The following TRPM6 variants were observed in gnomAD, a reference collection of about 807,000 sequenced individuals.
The protein encoded by TRPM6 is channel kinase 2.
TRPM6 carries 111 observed loss-of-function variants against 247.6 expected under a neutral mutation model. The ratio of observed to expected loss-of-function variants is 0.45; its 90% CI spans 0.38 to 0.52. The LOEUF (loss-of-function observed/expected upper bound fraction) is 0.52. TRPM6 is among the 20% of genes least tolerant of loss of function. TRPM6 has a pLI of 0.00. For synonymous variants in TRPM6, 892 were observed against 853.8 expected (o/e 1.04, Z -0.78); for missense variants, 2,126 against 2,421.5 (o/e 0.88, Z 2.56).
At chr9:74,806,532 T>A (rs920875341) in intron 14 of TRPM6, among the ~76,000 whole-genome samples, 1 of 152,206 alleles carries the variant, frequency 6.6e-6, no homozygotes, top group Non-Finnish European at 1.5e-5. Context: ...CCCAAATTAT[T>A]ATTACTATTG....
At chr9:74,866,443 T>C (rs1273091972) in intron 1 of TRPM6, among the ~76,000 whole-genome samples, 1 of 152,276 alleles carries the variant, frequency 6.6e-6, no homozygotes, top group South Asian at 2.1e-4. Context: ...GTCATTCCAC[T>C]ATCAGTAGGT....
chr9:74,813,698 A>C (rs1828821224), intron 11 of TRPM6, among the ~76,000 whole-genome samples: 1 of 152,232 alleles, frequency 6.6e-6, no homozygotes, highest in African/African-American at 2.4e-5. Flanking sequence ...CAAAAAGACC[A>C]AAACAAACAG....
intron 6 of TRPM6, among the ~76,000 whole-genome samples, chr9:74,831,276 G>C (rs1829537665): frequency 6.6e-6 from 1 of 152,070 alleles, no homozygotes; most frequent in Non-Finnish European, 1.5e-5. Context: ...TGGATCACAA[G>C]GTCATGAATT....
At chr9:74,778,108 G>T (rs73650071) in intron 23 of TRPM6, among the ~76,000 whole-genome samples, 2 of 152,172 alleles carry the variant, frequency 1.3e-5, no homozygotes, top group African/African-American at 4.8e-5. Context: ...AACTGAAGCC[G>T]AGTGTCGGTG....
At chr9:74,810,214 C>G (rs997062943) in intron 13 of TRPM6, among the ~76,000 whole-genome samples, 1 of 152,072 alleles carries the variant, frequency 6.6e-6, no homozygotes, top group Non-Finnish European at 1.5e-5. Context: ...AGAAAAGAAA[C>G]TGAGGTATAA....
chr9:74,874,424 T>C (rs2118480277), intron 1 of TRPM6, among the ~76,000 whole-genome samples: 1 of 152,212 alleles, frequency 6.6e-6, no homozygotes, highest in African/African-American at 2.4e-5. Context: ...AGTTCCAGCG[T>C]TGTTGTTTAG....
At chr9:74,733,280 A>C (rs1314256118) in intron 36 of TRPM6, among the ~76,000 whole-genome samples, 1 of 152,160 alleles carries the variant, frequency 6.6e-6, no homozygotes, top group Non-Finnish European at 1.5e-5. Context: ...ACTAAATATA[A>C]AAAATTAAAT....
At chr9:74,796,380 C>T (rs1357502257) in intron 18 of TRPM6, among the ~76,000 whole-genome samples, 1 of 152,200 alleles carries the variant, frequency 6.6e-6, no homozygotes, top group Non-Finnish European at 1.5e-5. Context: ...TGTAAAGTGG[C>T]CACAAATGAG....
chr9:74,739,330 C>G lies in TRPM6; in HGVS notation c.5570+37G>C, dbSNP rs761933214. ...TGAGAAGACGTGATAGAAATTCCTACTTGAAACAAAGGGCCAAGGTGCCAA... is the reference window on the plus strand; with the variant it reads ...TGAGAAGACGTGATAGAAATTCCTAGTTGAAACAAAGGGCCAAGGTGCCAA... On this transcript the variant is annotated intron_variant, in intron 35 of 38. Transcript: ENST00000360774. 2.5e-6 allele frequency: 4 copies of G among 1,574,594 alleles called. No individual in the cohort carries two copies. In the East Asian group the frequency reaches 9.0e-5, roughly 35 times the overall value.
Position 74,834,139 on chromosome 9 carries a change from T to C in TRPM6, c.545-17A>G. On this transcript the variant is annotated splice_polypyrimidine_tract_variant and intron_variant, in intron 5 of 38. Coordinates refer to ENST00000360774, the MANE Select transcript of TRPM6 (RefSeq NM_017662.5). ...TGGACACTCCTATGAACAACCAGTTTAGAAGTCAAACTTTAATTCACAAAT... is the reference window on the plus strand; with the variant it reads ...TGGACACTCCTATGAACAACCAGTTCAGAAGTCAAACTTTAATTCACAAAT... The C allele has an allele frequency of 6.2e-7, 1 of 1,613,872 alleles. No individual in the cohort carries two copies. The highest frequency in any genetic ancestry group is 8.5e-7 in the Non-Finnish European group (1 of 1,179,820).
intron 14 of TRPM6, among the ~76,000 whole-genome samples, chr9:74,805,780 G>A (rs1342082092): frequency 2.0e-5 from 3 of 151,796 alleles, no homozygotes; most frequent in East Asian, 1.9e-4. Flanking sequence ...CTTAAGTATC[G>A]AAAAGACGAC....
intron 27 of TRPM6, among the ~76,000 whole-genome samples, chr9:74,761,076 C>A (rs1217227454): frequency 6.6e-6 from 1 of 152,176 alleles, no homozygotes; most frequent in Admixed American, 6.5e-5. Flanking sequence ...ATTAATCACC[C>A]AGTCTTAGAT....
intron 28 of TRPM6, among the ~76,000 whole-genome samples, chr9:74,753,152 T>C (rs1481345613): frequency 4.2e-5 from 6 of 141,998 alleles, no homozygotes; most frequent in Admixed American, 1.4e-4. Context: ...ATCAAATAAA[T>C]AGATTTAATT....
Position 74,802,239 on chromosome 9 carries a change from C to T in TRPM6, c.1732-64G>A, listed in dbSNP as rs112175545. The T allele has an allele frequency of 5.9e-4, 860 of 1,460,376 alleles. 4 individuals are homozygous for T. In the African/African-American group the frequency reaches 0.01, roughly 17 times the overall value. The allele number at this position is 1,460,376 out of a possible 1,614,324, so 90.5% of individuals were successfully genotyped here. ...CAGATGTATGATGTTTTACCTAATT[C>T]AACACAGCAGGTGTCCTAGAGATTT... On this transcript the variant is annotated intron_variant, in intron 15 of 38. Transcript: ENST00000360774.
chr9:74,871,471 C>T (rs1034990753), intron 1 of TRPM6, among the ~76,000 whole-genome samples: 2 of 152,018 alleles, frequency 1.3e-5, no homozygotes, highest in African/African-American at 2.4e-5. Context: ...TATAGAATTG[C>T]TTCATTTTAT....
At chr9:74,839,015 C>G (rs1051986376) in intron 5 of TRPM6, among the ~76,000 whole-genome samples, 5 of 150,006 alleles carry the variant, frequency 3.3e-5, no homozygotes, top group African/African-American at 1.2e-4. Context: ...GAGGCTGAGG[C>G]AGGAGAATCG....
intron 5 of TRPM6, among the ~76,000 whole-genome samples, chr9:74,834,623 G>A (rs189285586): frequency 1.1e-5 from 1 of 93,124 alleles, no homozygotes; most frequent in Non-Finnish European, 2.0e-5. Context: ...CCCACCCCCT[G>A]ACAGGCCCTG....
chr9:74,764,945 A>G (rs1389628586), intron 25 of TRPM6, among the ~76,000 whole-genome samples: 1 of 152,220 alleles, frequency 6.6e-6, no homozygotes, highest in African/African-American at 2.4e-5. Context: ...TCATTATGTA[A>G]TCAGAGATGA....
chr9:74,808,152 C>T lies in TRPM6; in HGVS notation c.1520G>A (p.Arg507Gln), dbSNP rs368071569. 5 of 1,613,896 alleles carry T rather than the reference C, an allele frequency of 3.1e-6. No individual in the cohort carries two copies. Among genetic ancestry groups the T allele is most frequent in the Admixed American group, 1.7e-5 (1 of 60,010 alleles). The change falls in exon 14 of 39, where the codon CGA becomes CAA. Residue 507 changes from arginine to glutamine, a missense_variant. Around this residue, in one of 3 missense-constraint regions of TRPM6, gnomAD observed 1,082 missense variants for 1,307.9 expected, o/e 0.83. Transcript: ENST00000360774. ...VKQHTLLSGY[R>Q]ITLIDIGLVV... is the part of the protein sequence containing the mutation. ...TAATCCAATGTCAATCAAGGTTATT[C>T]GGTAGCCTGAAAGAAGGGTATGCTG...
Sources: allele counts gnomAD v4.1 joint callset (sites outside exome capture counted in the v4.1 genomes callset), GRCh38; gene constraint gnomAD v4.1.1; regional missense constraint gnomAD v4.1.1; transcripts MANE v1.5; gene names NCBI Gene and HGNC (gene_info 2026-07-23, HGNC 2026-07-21).